Variants in FOXN3 observed in about 807,000 individuals in gnomAD.
The protein encoded by FOXN3 is forkhead box protein N3.
In FOXN3, 7 loss-of-function variants were observed where a neutral mutation model predicts 38.4. That is an observed-to-expected ratio of 0.18 (90% CI 0.10 to 0.34). FOXN3 has a LOEUF of 0.34. FOXN3 is among the 10% of genes least tolerant of loss of function. The pLI is 1.00. For missense variants in FOXN3, 456 were observed against 613.4 expected, an observed-to-expected ratio of 0.74 and a Z score of 2.71; for synonymous variants, 230 against 242.2, an observed-to-expected ratio of 0.95 and a Z score of 0.47.
chr14:89,485,149 CA>C (rs3057954), intron 1 of FOXN3, among the ~76,000 whole-genome samples: 70 of 129,006 alleles, frequency 5.4e-4, no homozygotes, highest in Admixed American at 5.5e-4. Flanking sequence ...AAGACTCTCT[CA>C]AAAAAAAAAA....
chr14:89,575,287 G>A (rs1391648871), intron 1 of FOXN3, among the ~76,000 whole-genome samples: 2 of 152,182 alleles, frequency 1.3e-5, no homozygotes, highest in Non-Finnish European at 2.9e-5. Flanking sequence ...ATCTGGGTAG[G>A]CTCACAGGTC....
chr14:89,396,562 C>G (rs1040521676), intron 2 of FOXN3, among the ~76,000 whole-genome samples: 1 of 152,196 alleles, frequency 6.6e-6, no homozygotes, highest in Admixed American at 6.5e-5. Context: ...TGGCTGGGCA[C>G]GGTGGCTCAT....
chr14:89,336,920 G>A (rs1270292356), intron 3 of FOXN3, among the ~76,000 whole-genome samples: 1 of 152,166 alleles, frequency 6.6e-6, no homozygotes, highest in Non-Finnish European at 1.5e-5. Flanking sequence ...GATGGAACAT[G>A]CCACATCTAA....
At chr14:89,255,487 A>G (rs529475699) in intron 4 of FOXN3, among the ~76,000 whole-genome samples, 7 of 152,184 alleles carry the variant, frequency 4.6e-5, no homozygotes, top group Non-Finnish European at 7.3e-5. Flanking sequence ...AGAACAATTA[A>G]GAACAAAAAG....
intron 4 of FOXN3, among the ~76,000 whole-genome samples, chr14:89,262,410 A>T (rs1170819614): frequency 6.6e-6 from 1 of 152,210 alleles, no homozygotes; most frequent in Non-Finnish European, 1.5e-5. Flanking sequence ...AAAAATAATG[A>T]TCCCAGACAC....
Position 89,180,735 on chromosome 14 carries a change from G to A in FOXN3, c.817C>T (p.Pro273Ser), listed in dbSNP as rs570696760. Residue 273 changes from proline to serine, a missense_variant, in exon 5 of 6, where the codon CCA (proline) becomes TCA (serine). Pro to Ser is a moderately conservative substitution (Grantham distance 74, BLOSUM62 -1). Around this residue, in one of 3 missense-constraint regions of FOXN3, gnomAD observed 386 missense variants for 505.2 expected, o/e 0.76. Coordinates refer to ENST00000557258, the MANE Select transcript of FOXN3 (RefSeq NM_005197.4). ...RGLFPGVRPL[P>S]ITPIGVTAAM... ...GCTGTCACCCCAATGGGAGTGATTGGCAGCGGCCGCACGCCAGGAAACAGC... is the reference window on the plus strand; with the variant it reads ...GCTGTCACCCCAATGGGAGTGATTGACAGCGGCCGCACGCCAGGAAACAGC... 91 of 1,611,756 alleles carry A rather than the reference G, an allele frequency of 5.6e-5. 1 individual carries two copies. The East Asian group carries it at 2.0e-3, about 35-fold the overall frequency.
chr14:89,511,966 C>T (rs1291258467), intron 1 of FOXN3, among the ~76,000 whole-genome samples: 1 of 152,206 alleles, frequency 6.6e-6, no homozygotes, highest in African/African-American at 2.4e-5. Context: ...ATTCACTTAC[C>T]TCCACCTAGT....
At chr14:89,277,935 T>C (rs891844711) in intron 4 of FOXN3, among the ~76,000 whole-genome samples, 1 of 152,202 alleles carries the variant, frequency 6.6e-6, no homozygotes, top group African/African-American at 2.4e-5. Flanking sequence ...ACATTTTTTT[T>C]CTATTTCCAC....
chr14:89,416,052 A>G (rs1891705593), intron 1 of FOXN3, among the ~76,000 whole-genome samples: 2 of 152,228 alleles, frequency 1.3e-5, no homozygotes, highest in Admixed American at 6.5e-5. Flanking sequence ...TGCGAACTTT[A>G]AAAAGTTAAG....
rs963664944 is a variant in FOXN3, at chr14:89,501,232, C to T, written c.-14-88742G>A. On this transcript the variant is annotated intron_variant, in intron 1 of 6. Coordinates refer to the FOXN3 transcript ENST00000345097. ...TACAAGAAGTCACTAGAAATGTGCA[C>T]GATCAAAATATAAACCATTTATATT... Among the ~76,000 whole-genome samples, 10 of 152,106 alleles carry T rather than the reference C, an allele frequency of 6.6e-5. 1 individual carries two copies. Among genetic ancestry groups the T allele is most frequent in the Admixed American group, 2.0e-4 (3 of 15,268 alleles).
chr14:89,532,421 T>A (rs1439444791), intron 1 of FOXN3, among the ~76,000 whole-genome samples: 1 of 152,192 alleles, frequency 6.6e-6, no homozygotes, highest in Non-Finnish European at 1.5e-5. Flanking sequence ...ACCACCAGCA[T>A]AATCACAAGC....
At chr14:89,481,392 G>A (rs965889158) in intron 1 of FOXN3, among the ~76,000 whole-genome samples, 1 of 152,124 alleles carries the variant, frequency 6.6e-6, no homozygotes, top group African/African-American at 2.4e-5. Context: ...TCTGGAAAAC[G>A]ACGTAGTGAC....
At chr14:89,568,455 T>A (rs8021491) in intron 1 of FOXN3, among the ~76,000 whole-genome samples, 1 of 151,954 alleles carries the variant, frequency 6.6e-6, no homozygotes, top group Admixed American at 6.5e-5. Context: ...TCCCTCACAG[T>A]CGCTCCTTCC....
intron 2 of FOXN3, among the ~76,000 whole-genome samples, chr14:89,396,992 A>C (rs1051088401): frequency 2.0e-5 from 3 of 152,102 alleles, no homozygotes; most frequent in East Asian, 3.8e-4. Flanking sequence ...GGGCAGCAAG[A>C]ATCTCTGCTG....
rs150447771 is a variant in FOXN3 at position 89,518,410 on chromosome 14, T to C, written c.-15+100618A>G. Among the ~76,000 whole-genome samples the C allele has an allele frequency of 2.8e-3, 424 of 152,300 alleles. 1 individual carries two copies. Among genetic ancestry groups the C allele is most frequent in the African/African-American group, 9.7e-3 (402 of 41,560 alleles). On this transcript the variant is annotated intron_variant, in intron 1 of 6. Coordinates refer to the FOXN3 transcript ENST00000345097. ...GACCTTGCTCTCCTGGCAAGACTGA[T>C]TGGAGGAGGGGCACACACCTATCCC...
chr14:89,169,291 AT>A (rs1887325342), intron 5 of FOXN3, among the ~76,000 whole-genome samples: 1 of 152,108 alleles, frequency 6.6e-6, no homozygotes. Flanking sequence ...AATGCAAAAA[AT>A]TAACTGAACA....
intron 2 of FOXN3, among the ~76,000 whole-genome samples, chr14:89,388,075 T>C (rs1890841570): frequency 6.6e-6 from 1 of 152,158 alleles, no homozygotes; most frequent in South Asian, 2.1e-4. Flanking sequence ...TCCCAGCTCC[T>C]TGGGAGGCTG....
intron 3 of FOXN3, 54 bp from the exon 4 acceptor site, chr14:89,281,068 T>TG (rs1886447843): frequency 6.8e-7 from 1 of 1,467,956 alleles, no homozygotes. Flanking sequence ...CTCACACACC[T>TG]GCAACCCCTT....
intron 1 of FOXN3, among the ~76,000 whole-genome samples, chr14:89,423,103 G>A (rs2140107925): frequency 6.6e-6 from 1 of 152,294 alleles, no homozygotes; most frequent in South Asian, 2.1e-4. Flanking sequence ...AGGAGAAACA[G>A]AAGACACGGC....
Sources: gnomAD v4.1 joint callset for allele counts (sites outside exome capture counted in the v4.1 genomes callset) on GRCh38, gnomAD v4.1.1 for gene constraint, gnomAD v4.1.1 regional missense constraint, MANE v1.5 for transcripts, NCBI Gene and HGNC (gene_info 2026-07-23, HGNC 2026-07-21) for gene names.